CYTH1: variants seen among roughly 807,000 people sequenced by gnomAD.
CYTH1 encodes cytohesin-1.
A neutral mutation model predicts 61.8 loss-of-function variants in CYTH1; 18 were observed. The observed-to-expected ratio is 0.29, with a 90% CI of 0.20 to 0.43. The LOEUF is 0.43. CYTH1 is among the 20% of genes least tolerant of loss of function. The probability of loss-of-function intolerance (pLI) is 1.00; values close to 1 mark genes in which losing one functional copy is unlikely to be tolerated. For synonymous variants in CYTH1, 174 were observed against 184.3 expected (o/e 0.94, Z 0.45); for missense variants, 336 against 510.5 (o/e 0.66, Z 3.29).
intron 6 of CYTH1, 53 bp downstream of exon 6, chr17:78,701,618 T>C (rs2093009943): frequency 1.3e-6 from 2 of 1,539,940 alleles, no homozygotes; most frequent in Non-Finnish European, 1.8e-6. Context: ...AGACTCATGA[T>C]CAAAGGCTAG....
intron 1 of CYTH1, among the ~76,000 whole-genome samples, chr17:78,726,408 C>G (rs561788426): frequency 6.7e-6 from 1 of 150,374 alleles, no homozygotes; most frequent in Non-Finnish European, 1.5e-5. Context: ...TGGAAGAGGC[C>G]CCCTGTCAGT....
intron 1 of CYTH1, among the ~76,000 whole-genome samples, chr17:78,776,330 C>T (rs541928655): frequency 1.8e-4 from 27 of 151,990 alleles, no homozygotes; most frequent in Admixed American, 2.0e-4. Context: ...GTTTACAACC[C>T]TGAACATTAT....
At chr17:78,773,891 A>T (rs1335337293) in intron 1 of CYTH1, among the ~76,000 whole-genome samples, 1 of 152,202 alleles carries the variant, frequency 6.6e-6, no homozygotes, top group Non-Finnish European at 1.5e-5. Flanking sequence ...TTTATTTGAT[A>T]GAAAAGAGTT....
chr17:78,767,866 T>G (rs568528505), intron 1 of CYTH1, among the ~76,000 whole-genome samples: 1 of 152,262 alleles, frequency 6.6e-6, no homozygotes, highest in African/African-American at 2.4e-5. Context: ...GCAGCTAAGA[T>G]TCAAACGTTC....
intron 1 of CYTH1, among the ~76,000 whole-genome samples, chr17:78,759,973 A>G (rs1042466436): frequency 2.0e-5 from 3 of 152,174 alleles, no homozygotes; most frequent in African/African-American, 7.2e-5. Flanking sequence ...AAGCATGTGC[A>G]TGTATGTACG....
At chr17:78,748,068 A>C (rs967568798) in intron 1 of CYTH1, among the ~76,000 whole-genome samples, 3 of 152,088 alleles carry the variant, frequency 2.0e-5, no homozygotes, top group South Asian at 2.1e-4. Flanking sequence ...ACTTTTCTGA[A>C]CCCTACCCAT....
In CYTH1 at chr17:78,700,398, G is replaced by A. The variant is rs375427012; in HGVS notation, c.483C>T (p.Ile161=). Reference sequence around the variant, plus strand: ...GGGCAAACGCCTCCATCATCCGGTCGATCTTCTGGGCCTCTCCGGGTAGCC... The same window carrying A: ...GGGCAAACGCCTCCATCATCCGGTCAATCTTCTGGGCCTCTCCGGGTAGCC... The part of the protein sequence containing the change: ...SFRLPGEAQK[I]DRMMEAFAQR... Residue 161 remains isoleucine, a synonymous_variant, in exon 7 of 14, where the codon ATC becomes ATT. Transcript: ENST00000446868. This position sits in a 1 kb window ranked among gnomAD's most constrained non-coding sequence, Gnocchi z 5.1. 26 of 1,613,642 alleles carry A rather than the reference G, an allele frequency of 1.6e-5. No individual in the cohort carries two copies. In the African/African-American group the frequency reaches 2.5e-4, roughly 16 times the overall value.
chr17:78,742,744 A>G (rs1447488866), intron 1 of CYTH1, among the ~76,000 whole-genome samples: 2 of 152,038 alleles, frequency 1.3e-5, no homozygotes. Flanking sequence ...AATCCCAGCT[A>G]CTCGGGAGGC....
chr17:78,780,550 C>T (rs1021669348), intron 1 of CYTH1, among the ~76,000 whole-genome samples: 5 of 151,970 alleles, frequency 3.3e-5, no homozygotes, highest in African/African-American at 9.7e-5. Flanking sequence ...AAAAAATGCA[C>T]AAGCTGCTTT....
At chr17:78,741,225 T>G (rs1490303256) in intron 1 of CYTH1, among the ~76,000 whole-genome samples, 1 of 152,142 alleles carries the variant, frequency 6.6e-6, no homozygotes, top group African/African-American at 2.4e-5. Flanking sequence ...TACACAAGCA[T>G]GTAATGGTCT....
At chr17:78,706,130 T>G (rs1214839025) in intron 3 of CYTH1, among the ~76,000 whole-genome samples, 1 of 152,214 alleles carries the variant, frequency 6.6e-6, no homozygotes, top group African/African-American at 2.4e-5. Context: ...TTTTTACATT[T>G]TTAAGATCGA....
intron 13 of CYTH1, chr17:78,676,770 G>A (rs956439186): frequency 1.7e-5 from 6 of 350,056 alleles, no homozygotes; most frequent in African/African-American, 1.1e-4. Flanking sequence ...CCGAGCTCAT[G>A]CTTGTGCTAC....
At chr17:78,689,113 T>C (rs2092848953) in intron 11 of CYTH1, among the ~76,000 whole-genome samples, 2 of 152,158 alleles carry the variant, frequency 1.3e-5, no homozygotes, top group South Asian at 2.1e-4. Context: ...GGGCAGGCCA[T>C]GCACGGACTG....
chr17:78,691,827 G>C (rs2092889626), intron 11 of CYTH1: 1 of 152,212 alleles, frequency 6.6e-6, no homozygotes, highest in Non-Finnish European at 1.5e-5. Flanking sequence ...TATTACAAAA[G>C]AGATATACGT....
chr17:78,727,781 G>A lies in CYTH1; in HGVS notation c.23-18049C>T, dbSNP rs1279165430. 6 of 467,622 alleles carry A rather than the reference G, an allele frequency of 1.3e-5. No homozygotes were observed. The East Asian group carries it at 2.1e-4, about 16-fold the overall frequency. 29.0% of individuals were successfully genotyped at this position (467,622 alleles called of 1,614,324 possible). ...TTCTCTGTCTTGGCTGCTCTCATGA[G>A]GCTGCTCTTGGACCGTCCCCTATCT... On this transcript the variant is annotated intron_variant, in intron 1 of 13. Transcript: ENST00000446868.
At chr17:78,760,407 GTGTATATA>G (rs1485959724) in intron 1 of CYTH1, among the ~76,000 whole-genome samples, 3 of 38,630 alleles carry the variant, frequency 7.8e-5, no homozygotes, top group Non-Finnish European at 1.5e-4. Flanking sequence ...ATATATATAT[GTGTATATA>G]TATATATATA....
intron 1 of CYTH1, among the ~76,000 whole-genome samples, chr17:78,712,942 C>T (rs1032090398): frequency 1.3e-5 from 2 of 151,944 alleles, no homozygotes; most frequent in East Asian, 1.9e-4. Flanking sequence ...TACACACCTG[C>T]TCTCCAGTCC....
chr17:78,722,009 T>C (rs529388739), intron 1 of CYTH1, among the ~76,000 whole-genome samples: 3 of 152,232 alleles, frequency 2.0e-5, no homozygotes, highest in Admixed American at 6.5e-5. Context: ...ATCGCGCCAT[T>C]GCACTCCAGC....
chr17:78,686,200 T>C (rs1250872145), intron 11 of CYTH1, among the ~76,000 whole-genome samples: 3 of 152,258 alleles, frequency 2.0e-5, no homozygotes, highest in Non-Finnish European at 4.4e-5. Flanking sequence ...TCTCTGTGAT[T>C]GGCTCAAGCG....
Sources: allele counts gnomAD v4.1 joint callset (sites outside exome capture counted in the v4.1 genomes callset), GRCh38; gene constraint gnomAD v4.1.1; non-coding constraint Gnocchi (gnomAD v3.1); transcripts MANE v1.5; gene names NCBI Gene and HGNC (gene_info 2026-07-23, HGNC 2026-07-21).